BCL11A: variants seen among roughly 807,000 people sequenced by gnomAD.
BCL11A encodes the protein B cell CLL/lymphoma 11A.
Under a neutral mutation model 55.9 loss-of-function variants are expected in BCL11A, and 2 were observed. The ratio of observed to expected loss-of-function variants is 0.04; its 90% CI spans 0.01 to 0.11. The LOEUF is 0.11. Ranked by LOEUF, BCL11A falls within the 10% of genes least tolerant of loss-of-function variation. The pLI, the probability that BCL11A is intolerant of heterozygous loss-of-function variation, is 1.00. For missense variants in BCL11A, 817 were observed against 1,137.1 expected (o/e 0.72, Z 4.05); for synonymous variants, 465 against 473.4 (o/e 0.98, Z 0.23).
chr2:60,509,092 C>T (rs569723582), intron 2 of BCL11A, among the ~76,000 whole-genome samples: 6 of 152,296 alleles, frequency 3.9e-5, no homozygotes, highest in African/African-American at 7.2e-5. Context: ...CATCAGACTC[C>T]GAAATCACAG....
chr2:60,469,309 T>C (rs757160941), intron 2 of BCL11A, among the ~76,000 whole-genome samples: 3 of 152,186 alleles, frequency 2.0e-5, no homozygotes, highest in Non-Finnish European at 4.4e-5. Flanking sequence ...TGAATCGTTT[T>C]TTATGGGACA....
rs140950529 is a variant in BCL11A, at chr2:60,523,506, T to TAC, written c.385+22463_385+22464dup. Among the ~76,000 whole-genome samples, 899 of 152,244 alleles carry TAC rather than the reference T, an allele frequency of 5.9e-3. 6 individuals carry two copies. The highest frequency in any genetic ancestry group is 0.02 in the African/African-American group (814 of 41,544). On this transcript the variant is annotated intron_variant, in intron 2 of 3. Coordinates refer to ENST00000642384, the MANE Select transcript of BCL11A (RefSeq NM_022893.4). ...TTCCTATTCTCTCTCTCTCCCTTTC[T>TAC]ACACACACACAGGCACACAACTATA... is the stretch of plus-strand genomic sequence containing the variant.
Position 60,457,304 on chromosome 2 carries a change from T to G in BCL11A, c.*3100A>C. 2 of 1,018,456 alleles carry G rather than the reference T, an allele frequency of 2.0e-6. No individual in the cohort carries two copies. Among genetic ancestry groups the G allele is most frequent in the Non-Finnish European group, 2.4e-6 (2 of 849,440 alleles). 63.1% of individuals were successfully genotyped at this position (1,018,456 alleles called of 1,614,324 possible). On this transcript the variant is annotated 3_prime_UTR_variant, in exon 4 of 4. Transcript: ENST00000642384. The stretch of plus-strand genomic sequence containing the variant: ...AGACAGTGGTTTTTCCAATAGAACT[T>G]AACAAAGACCAGAAACAAATACAAT...
At chr2:60,491,543 A>ATG (rs1240124300) in intron 2 of BCL11A, among the ~76,000 whole-genome samples, 1 of 151,986 alleles carries the variant, frequency 6.6e-6, no homozygotes, top group Non-Finnish European at 1.5e-5. Context: ...ATGGTAATAC[A>ATG]TGCCTGTAAT....
At chr2:60,519,511 T>C (rs1381749590) in intron 2 of BCL11A, among the ~76,000 whole-genome samples, 1 of 151,878 alleles carries the variant, frequency 6.6e-6, no homozygotes, top group Non-Finnish European at 1.5e-5. Flanking sequence ...ACTGCACTCA[T>C]GCTGCAGAGA....
rs767054274 is a variant in BCL11A, at chr2:60,460,387, G to C, written c.*17C>G. 6.4e-7 allele frequency: 1 copy of C among 1,569,760 alleles called. No homozygotes were observed. Among genetic ancestry groups the C allele is most frequent in the Non-Finnish European group, 8.7e-7 (1 of 1,151,128 alleles). On this transcript the variant is annotated 3_prime_UTR_variant, in exon 4 of 4. Transcript: ENST00000642384. ...GGGGGTGTCAGGTGGGAGTGAGGGA[G>C]GGGTATTAATATACCTCTATTCAGT...
At chr2:60,500,347 G>A (rs1469553184) in intron 2 of BCL11A, among the ~76,000 whole-genome samples, 1 of 152,184 alleles carries the variant, frequency 6.6e-6, no homozygotes, top group Non-Finnish European at 1.5e-5. Flanking sequence ...CCCCCATTAT[G>A]CACTGCCTCT....
intron 2 of BCL11A, among the ~76,000 whole-genome samples, chr2:60,478,954 G>A (rs1455560142): frequency 3.4e-5 from 5 of 147,538 alleles, no homozygotes; most frequent in Non-Finnish European, 3.0e-5. Context: ...TGGCTTTGAC[G>A]TGCTTTGTTT....
Position 60,553,311 on chromosome 2 carries a change from G to T in BCL11A, c.-41C>A. On this transcript the variant is annotated 5_prime_UTR_variant, in exon 1 of 4. Transcript: ENST00000642384. ...GGGCGGCGGCGGCGGCGGCGGCGGC[G>T]GCGGGCGGACGACGGCTCGGTTCAC... 1 of 1,525,702 alleles carries T rather than the reference G, an allele frequency of 6.6e-7. No individual in the cohort carries two copies. Among genetic ancestry groups the T allele is most frequent in the Non-Finnish European group, 8.7e-7 (1 of 1,143,086 alleles). The allele number at this position is 1,525,702 out of a possible 1,614,324, so 94.5% of individuals were successfully genotyped here.
intron 3 of BCL11A, among the ~76,000 whole-genome samples, chr2:60,464,242 G>A (rs1422400448): frequency 6.6e-6 from 1 of 152,068 alleles, no homozygotes; most frequent in Non-Finnish European, 1.5e-5. Context: ...GTGGAAGGGG[G>A]AAAAAAGGCA....
intron 2 of BCL11A, among the ~76,000 whole-genome samples, chr2:60,514,250 A>G (rs1385453283): frequency 6.6e-6 from 1 of 152,198 alleles, no homozygotes; most frequent in East Asian, 1.9e-4. Context: ...CAACTGAACT[A>G]GAAGGCTAAG....
intron 2 of BCL11A, among the ~76,000 whole-genome samples, chr2:60,505,283 C>A (rs1679522142): frequency 1.3e-5 from 2 of 152,348 alleles, no homozygotes; most frequent in South Asian, 4.1e-4. Context: ...TCAGAAACGG[C>A]TTCAAGGGTG....
rs1558608620 is a variant in BCL11A, at chr2:60,458,637, AT to A, written c.*1766del. The A allele has an allele frequency of 9.7e-7, 1 of 1,032,786 alleles. No individual in the cohort carries two copies. The highest frequency in any genetic ancestry group is 1.7e-5 in the African/African-American group (1 of 59,178). 64.0% of individuals were successfully genotyped at this position (1,032,786 alleles called of 1,614,324 possible). ...TTTAGTTTTTAAAAAATGCTCCTCA[AT>A]GAGATTGTGTTCAATTTTTTTTCAG... On this transcript the variant is annotated 3_prime_UTR_variant, in exon 4 of 4. Coordinates refer to ENST00000642384, the MANE Select transcript of BCL11A (RefSeq NM_022893.4).
chr2:60,518,448 G>A (rs1275680718), intron 2 of BCL11A, among the ~76,000 whole-genome samples: 1 of 152,216 alleles, frequency 6.6e-6, no homozygotes, highest in Non-Finnish European at 1.5e-5. Context: ...GATTATGCCT[G>A]TAAGATGACA....
At chr2:60,552,449 AG>A (rs1670452237) in intron 1 of BCL11A, among the ~76,000 whole-genome samples, 1 of 151,446 alleles carries the variant, frequency 6.6e-6, no homozygotes, top group Non-Finnish European at 1.5e-5. Context: ...GCGGCGCGGG[AG>A]GGCAAGCGCG....
intron 2 of BCL11A, among the ~76,000 whole-genome samples, chr2:60,485,988 G>C (rs1282946159): frequency 6.6e-6 from 1 of 152,044 alleles, no homozygotes; most frequent in Non-Finnish European, 1.5e-5. Flanking sequence ...CTTCTGCTCT[G>C]GTTCTCCTCT....
intron 2 of BCL11A, chr2:60,522,437 A>C (rs1275186913): frequency 6.6e-6 from 1 of 152,230 alleles, no homozygotes; most frequent in Non-Finnish European, 1.5e-5. Context: ...TTTTAAACTC[A>C]GAAATACTTC....
At chr2:60,475,839 G>T (rs1653305140) in intron 2 of BCL11A, among the ~76,000 whole-genome samples, 1 of 152,142 alleles carries the variant, frequency 6.6e-6, no homozygotes, top group African/African-American at 2.4e-5. Context: ...CCACTCCCCG[G>T]ATTCTTTTCT....
intron 2 of BCL11A, among the ~76,000 whole-genome samples, chr2:60,501,797 C>T (rs1016183493): frequency 9.2e-5 from 14 of 152,138 alleles, no homozygotes; most frequent in Non-Finnish European, 2.1e-4. Context: ...TGAGCCACTG[C>T]GCCCAGCCTT....
Sources: allele counts gnomAD v4.1 joint callset (sites outside exome capture counted in the v4.1 genomes callset), GRCh38; gene constraint gnomAD v4.1.1; transcripts MANE v1.5; gene names NCBI Gene and HGNC (gene_info 2026-07-23, HGNC 2026-07-21).